Variants in FNDC3B observed in about 807,000 individuals in gnomAD.
FNDC3B encodes fibronectin type III domain containing 3B.
FNDC3B carries 12 observed loss-of-function variants against 151.5 expected under a neutral mutation model. That is an observed-to-expected ratio of 0.08 (90% CI 0.05 to 0.13). The LOEUF is 0.13. Ranked by LOEUF, FNDC3B falls within the 10% of genes least tolerant of loss-of-function variation. The pLI, the probability that FNDC3B is intolerant of heterozygous loss-of-function variation, is 1.00. For missense variants in FNDC3B, 1,214 were observed against 1,505.3 expected, an observed-to-expected ratio of 0.81 and a Z score of 3.20; for synonymous variants, 528 against 549.0, an observed-to-expected ratio of 0.96 and a Z score of 0.54.
intron 1 of FNDC3B, among the ~76,000 whole-genome samples, chr3:172,065,499 C>G (rs1046566330): frequency 6.6e-6 from 1 of 152,196 alleles, no homozygotes; most frequent in African/African-American, 2.4e-5. Context: ...CGAAGAAATG[C>G]CGCCTTGTTC....
chr3:172,317,584 G>A (rs2108265134), intron 11 of FNDC3B, among the ~76,000 whole-genome samples: 1 of 152,312 alleles, frequency 6.6e-6, no homozygotes. Context: ...TAACGCCTTA[G>A]CCTCGGCCTT....
At chr3:172,293,916 A>G (rs1256744486) in intron 7 of FNDC3B, among the ~76,000 whole-genome samples, 1 of 152,236 alleles carries the variant, frequency 6.6e-6, no homozygotes, top group African/African-American at 2.4e-5. Context: ...AAGGAAAAAA[A>G]GGGACTGAAC....
chr3:172,239,886 T>TTTTG (rs1727403844), intron 4 of FNDC3B, among the ~76,000 whole-genome samples: 1 of 108,342 alleles, frequency 9.2e-6, no homozygotes, highest in African/African-American at 3.9e-5. Flanking sequence ...TTTTTTTTTT[T>TTTTG]GGGATGGAGT....
In FNDC3B at chr3:172,247,716, G is replaced by A; in HGVS notation, c.448G>A (p.Asp150Asn). 1.2e-6 allele frequency: 2 copies of A among 1,614,084 alleles called. No homozygotes were observed. The highest frequency in any genetic ancestry group is 1.7e-6 in the Non-Finnish European group (2 of 1,179,996). ...CTACCCACCTGTTACCGGACCTGGAGATATGCCGCCTCAGTTTTTTCCCCA... is the reference window on the plus strand; with the variant it reads ...CTACCCACCTGTTACCGGACCTGGAAATATGCCGCCTCAGTTTTTTCCCCA... ...AYYPPVTGPG[D>N]MPPQFFPQHH... The change falls in exon 5 of 26, where the codon GAT (aspartate) becomes AAT (asparagine). Residue 150 changes from aspartate to asparagine, a missense_variant. Asp to Asn is a conservative substitution (Grantham distance 23). Around this residue, in one of 7 missense-constraint regions of FNDC3B, gnomAD observed 166 missense variants for 173.2 expected, o/e 0.96. Coordinates refer to ENST00000415807, the MANE Select transcript of FNDC3B (RefSeq NM_022763.4).
rs373602671 is a variant in FNDC3B, at chr3:172,233,551, G to A, written c.264+6604G>A. ...GACACCTCTGTGGAGAAACAGTGGG[G>A]CCTGTTAGGTGGAAGCTGTGCAATA... On this transcript the variant is annotated intron_variant, in intron 4 of 25. Transcript: ENST00000415807. 1.8e-4 allele frequency among the ~76,000 whole-genome samples: 28 copies of A among 152,334 alleles called. No homozygotes were observed. The East Asian group carries it at 2.5e-3, about 14-fold the overall frequency.
rs1234179789 is a variant in FNDC3B at position 172,040,770 on chromosome 3, C to G, written c.-29+999C>G. On this transcript the variant is annotated intron_variant, in intron 1 of 25. Transcript: ENST00000415807. The surrounding 1 kb of genome is among the most constrained non-coding windows in gnomAD (Gnocchi z 6.6). ...CGGCAGGCGTGGGAAGGGCCTGTCA[C>G]TCTCGGCAGAAAGTGGGGCCTCGGG... 1 of 152,168 alleles carries G rather than the reference C, an allele frequency of 6.6e-6. No individual in the cohort carries two copies. Among genetic ancestry groups the G allele is most frequent in the Non-Finnish European group, 1.5e-5 (1 of 68,046 alleles). 9.4% of individuals were successfully genotyped at this position (152,168 alleles called of 1,614,324 possible). A position where few individuals can be genotyped will look rare whatever the true frequency, so the allele number is the denominator to read the frequency against.
At position 172,148,226 on chromosome 3, in the gene FNDC3B, A is replaced by AT. The variant is rs1461075819; in HGVS notation, c.187+14683dup. 1.7e-4 allele frequency among the ~76,000 whole-genome samples: 26 copies of AT among 152,284 alleles called. 1 individual carries two copies. Among genetic ancestry groups the AT allele is most frequent in the East Asian group, 7.7e-4 (4 of 5,194 alleles). On this transcript the variant is annotated intron_variant, in intron 3 of 25. Transcript: ENST00000415807. Reference sequence around the variant, plus strand: ...AGTCTAATGAATAATATTATGTAGTATTTGGAGATCATCAAGTTAGGAAAC... The same window carrying AT: ...AGTCTAATGAATAATATTATGTAGTATTTTGGAGATCATCAAGTTAGGAAAC...
intron 25 of FNDC3B, among the ~76,000 whole-genome samples, chr3:172,387,005 G>A (rs1173639664): frequency 6.6e-6 from 1 of 152,034 alleles, no homozygotes; most frequent in African/African-American, 2.4e-5. Flanking sequence ...CGCCCAGGCT[G>A]GAGTACAGTA....
chr3:172,088,810 T>C lies in FNDC3B; in HGVS notation c.-28-23642T>C, dbSNP rs571710926. ...AATAAATTCTACAAAAGGTAGCCATTATGATTTTATGATTACTTGTGTTGA... is the reference window on the plus strand; with the variant it reads ...AATAAATTCTACAAAAGGTAGCCATCATGATTTTATGATTACTTGTGTTGA... On this transcript the variant is annotated intron_variant, in intron 1 of 25. Transcript: ENST00000415807. Among the ~76,000 whole-genome samples the C allele has an allele frequency of 1.9e-4, 29 of 152,332 alleles. No homozygotes were observed. The South Asian group carries it at 5.8e-3, about 30-fold the overall frequency.
intron 6 of FNDC3B, among the ~76,000 whole-genome samples, chr3:172,269,964 A>T (rs937420926): frequency 1.3e-5 from 2 of 152,196 alleles, no homozygotes; most frequent in African/African-American, 4.8e-5. Flanking sequence ...GTGCTTTTTT[A>T]TAGGACATTT....
intron 3 of FNDC3B, among the ~76,000 whole-genome samples, chr3:172,160,148 G>A (rs1722697225): frequency 6.6e-6 from 1 of 152,132 alleles, no homozygotes; most frequent in South Asian, 2.1e-4. Flanking sequence ...GGCAGCAGTG[G>A]GCATTACTAT....
At chr3:172,281,755 C>T in intron 6 of FNDC3B, among the ~76,000 whole-genome samples, 1 of 152,048 alleles carries the variant, frequency 6.6e-6, no homozygotes, top group East Asian at 1.9e-4. Context: ...GGGGAAGAAA[C>T]AAAAACCAGA....
chr3:172,340,476 A>G (rs576380155), intron 16 of FNDC3B, among the ~76,000 whole-genome samples: 45 of 152,042 alleles, frequency 3.0e-4, no homozygotes, highest in African/African-American at 1.1e-3. Flanking sequence ...AGTAGAGACA[A>G]GGTTTCGCCA....
intron 3 of FNDC3B, among the ~76,000 whole-genome samples, chr3:172,146,834 A>G (rs184932170): frequency 2.0e-4 from 31 of 152,348 alleles, no homozygotes; most frequent in African/African-American, 7.2e-4. Flanking sequence ...ATAAACAAGA[A>G]CCATCAGACA....
At chr3:172,070,145 T>G (rs1046586759) in intron 1 of FNDC3B, among the ~76,000 whole-genome samples, 1 of 152,214 alleles carries the variant, frequency 6.6e-6, no homozygotes, top group Non-Finnish European at 1.5e-5. Flanking sequence ...CTGTAGGTGC[T>G]TATCTTCTGC....
intron 3 of FNDC3B, among the ~76,000 whole-genome samples, chr3:172,186,294 G>A (rs1224507471): frequency 6.6e-6 from 1 of 152,214 alleles, no homozygotes; most frequent in Non-Finnish European, 1.5e-5. Context: ...GGGATTACAA[G>A]TGCTTTTCTC....
chr3:172,079,177 T>G (rs1283296852), intron 1 of FNDC3B, among the ~76,000 whole-genome samples: 2 of 152,164 alleles, frequency 1.3e-5, no homozygotes, highest in South Asian at 2.1e-4. Flanking sequence ...ATCAAAAATA[T>G]GAATTCATCA....
intron 1 of FNDC3B, among the ~76,000 whole-genome samples, chr3:172,109,234 C>T (rs1422077771): frequency 4.8e-5 from 7 of 144,688 alleles, no homozygotes; most frequent in African/African-American, 1.6e-4. Flanking sequence ...GGTGGGATCT[C>T]GGCTCCCTGC....
chr3:172,336,515 A>C (rs1233785703), intron 15 of FNDC3B, among the ~76,000 whole-genome samples: 1 of 152,224 alleles, frequency 6.6e-6, no homozygotes, highest in Non-Finnish European at 1.5e-5. Context: ...GCTTGGTAGG[A>C]AACTGCTAGA....
Sources: gnomAD v4.1 joint callset for allele counts (sites outside exome capture counted in the v4.1 genomes callset) on GRCh38, gnomAD v4.1.1 for gene constraint, gnomAD v4.1.1 regional missense constraint, Gnocchi (gnomAD v3.1) non-coding constraint, MANE v1.5 for transcripts, NCBI Gene and HGNC (gene_info 2026-07-23, HGNC 2026-07-21) for gene names.